The following PDE3A variants were observed in gnomAD, a reference collection of about 807,000 sequenced individuals.
PDE3A encodes cGMP-inhibited 3',5'-cyclic phosphodiesterase 3A.
Under a neutral mutation model 98.3 loss-of-function variants are expected in PDE3A, and 43 were observed. The ratio of observed to expected loss-of-function variants is 0.44; its 90% confidence interval spans 0.34 to 0.56. PDE3A has a LOEUF of 0.56. Among genes scored for constraint, PDE3A ranks in the 20% least tolerant of loss-of-function variants. The pLI, the probability that PDE3A is intolerant of heterozygous loss-of-function variation, is 0.01. For synonymous variants in PDE3A, 663 were observed against 567.9 expected, an observed-to-expected ratio of 1.17 and a Z score of -2.38; for missense variants, 1,427 against 1,440.7, an observed-to-expected ratio of 0.99 and a Z score of 0.15.
chr12:20,605,213 G>A (rs1489838952), intron 2 of PDE3A, among the ~76,000 whole-genome samples: 1 of 152,140 alleles, frequency 6.6e-6, no homozygotes, highest in Non-Finnish European at 1.5e-5. Context: ...TGGGAAGAAA[G>A]GAAACTGACA....
intron 1 of PDE3A, among the ~76,000 whole-genome samples, chr12:20,399,883 G>C (rs898048775): frequency 6.6e-6 from 1 of 152,172 alleles, no homozygotes; most frequent in African/African-American, 2.4e-5. Flanking sequence ...ATTGCTTTAA[G>C]CAATCATTTG....
intron 1 of PDE3A, among the ~76,000 whole-genome samples, chr12:20,469,352 A>G (rs1321113232): frequency 6.6e-6 from 1 of 152,052 alleles, no homozygotes; most frequent in Non-Finnish European, 1.5e-5. Context: ...ATTATGTTGT[A>G]ATATCCTGCC....
intron 1 of PDE3A, among the ~76,000 whole-genome samples, chr12:20,497,991 G>T (rs142870389): frequency 1.3e-5 from 2 of 152,184 alleles, no homozygotes; most frequent in African/African-American, 2.4e-5. Context: ...TACCAATTGC[G>T]TATGAGCTAA....
chr12:20,520,705 G>A (rs772813761), intron 1 of PDE3A, among the ~76,000 whole-genome samples: 8 of 152,120 alleles, frequency 5.3e-5, no homozygotes, highest in African/African-American at 7.2e-5. Flanking sequence ...TCCCTCTGCC[G>A]CTTCTTGGCT....
Position 20,648,922 on chromosome 12 carries a change from T to C in PDE3A, c.2769+31T>C, listed in dbSNP as rs778746522. 5 of 1,200,642 alleles carry C rather than the reference T, an allele frequency of 4.2e-6. No homozygotes were observed. In the Admixed American group the frequency reaches 7.5e-5, roughly 18 times the overall value. 74.4% of individuals were successfully genotyped at this position (1,200,642 alleles called of 1,614,324 possible). The stretch of plus-strand genomic sequence containing the variant: ...TAGAGCTGTACCCAGTTTTCTTTTC[T>C]TTTTCTTTTTTTTTTTTTTTTGAGA... On this transcript the variant is annotated intron_variant, in intron 13 of 15. Transcript: ENST00000359062.
chr12:20,520,212 GATA>G (rs1429452558), intron 1 of PDE3A, among the ~76,000 whole-genome samples: 3 of 152,262 alleles, frequency 2.0e-5, no homozygotes, highest in African/African-American at 7.2e-5. Context: ...GGAGGCATGT[GATA>G]ATAAAAAACC....
intron 1 of PDE3A, among the ~76,000 whole-genome samples, chr12:20,494,620 A>G (rs1256573465): frequency 1.3e-5 from 2 of 152,072 alleles, no homozygotes; most frequent in African/African-American, 2.4e-5. Flanking sequence ...ATAAATTATG[A>G]CTTTCCTTTC....
rs1265923346 is a variant in PDE3A, at chr12:20,448,751, G to GTTTTTT, written c.960+78507_960+78508insTTTTTT. Among the ~76,000 whole-genome samples the GTTTTTT allele has an allele frequency of 1.3e-3, 178 of 134,350 alleles. 4 individuals carry two copies. The highest frequency in any genetic ancestry group is 2.6e-3 in the East Asian group (10 of 3,786). 88.1% of individuals were successfully genotyped at this position (134,350 alleles called of 152,430 possible). A position where few individuals can be genotyped will look rare whatever the true frequency, so the allele number is the denominator to read the frequency against. On this transcript the variant is annotated intron_variant, in intron 1 of 15. Coordinates refer to ENST00000359062, the MANE Select transcript of PDE3A (RefSeq NM_000921.5). ...ACATTATTTAAAGTTTTTATTTTAA[G>GTTTTTT]GTTTTTTTTTTTTTTTGAGATGGAG...
intron 1 of PDE3A, chr12:20,371,520 T>G (rs1240231745): frequency 6.4e-6 from 6 of 931,570 alleles, no homozygotes; most frequent in Non-Finnish European, 7.7e-6. Context: ...ATCATTTGGG[T>G]ATTTCTAAGA....
At chr12:20,416,250 G>A (rs903294169) in intron 1 of PDE3A, among the ~76,000 whole-genome samples, 9 of 152,164 alleles carry the variant, frequency 5.9e-5, no homozygotes, top group African/African-American at 1.9e-4. Flanking sequence ...CTCACTCGAG[G>A]TTATCAACAC....
intron 1 of PDE3A, among the ~76,000 whole-genome samples, chr12:20,421,148 T>C (rs1944505599): frequency 6.6e-6 from 1 of 152,170 alleles, no homozygotes; most frequent in Non-Finnish European, 1.5e-5. Context: ...AGTCTGGAAA[T>C]TGTTAGTGTC....
intron 15 of PDE3A, among the ~76,000 whole-genome samples, chr12:20,655,084 A>C (rs1198578734): frequency 6.6e-6 from 1 of 152,164 alleles, no homozygotes; most frequent in Non-Finnish European, 1.5e-5. Context: ...GTAGACAATA[A>C]GCAAAACAAG....
Position 20,668,270 on chromosome 12 carries a change from G to A in PDE3A, c.3185-11760G>A, listed in dbSNP as rs570987010. Among the ~76,000 whole-genome samples the A allele has an allele frequency of 3.6e-3, 546 of 152,368 alleles. 2 individuals carry two copies. Among genetic ancestry groups the A allele is most frequent in the Middle Eastern group, 6.8e-3 (2 of 294 alleles). On this transcript the variant is annotated intron_variant, in intron 15 of 15. Transcript: ENST00000359062. ...ACTGCAAGGCGGCAGTGAGGCTGGG[G>A]GAGGGGCGCCCGCCATTGCCCAGGC...
intron 1 of PDE3A, among the ~76,000 whole-genome samples, chr12:20,481,335 G>T (rs1166266583): frequency 1.3e-5 from 2 of 152,112 alleles, no homozygotes; most frequent in African/African-American, 4.8e-5. Flanking sequence ...AGAAAGATTG[G>T]TGAATGAATG....
chr12:20,638,525 C>A (rs1944571989), intron 9 of PDE3A, among the ~76,000 whole-genome samples: 1 of 152,124 alleles, frequency 6.6e-6, no homozygotes, highest in African/African-American at 2.4e-5. Flanking sequence ...ATGTCTCTTA[C>A]ACTAGCTGAT....
chr12:20,687,596 T>G lies in PDE3A; in HGVS notation c.*7325T>G, dbSNP rs368743117. 6.6e-6 allele frequency among the ~76,000 whole-genome samples: 1 copy of G among 152,046 alleles called. No homozygotes were observed. Among genetic ancestry groups the G allele is most frequent in the African/African-American group, 2.4e-5 (1 of 41,434 alleles). ...GTTCCAACAAGAACAATCTGTTAGT[T>G]GATAAGCACTGGTAATAAATATCAC... On this transcript the variant is annotated 3_prime_UTR_variant, in exon 16 of 16. Transcript: ENST00000359062.
intron 1 of PDE3A, among the ~76,000 whole-genome samples, chr12:20,420,602 A>T (rs1944496674): frequency 6.6e-6 from 1 of 152,174 alleles, no homozygotes; most frequent in African/African-American, 2.4e-5. Flanking sequence ...TGCAAGGGAC[A>T]GGGAGGCTCC....
chr12:20,601,673 G>A (rs894011761), intron 2 of PDE3A, among the ~76,000 whole-genome samples: 2 of 151,942 alleles, frequency 1.3e-5, no homozygotes, highest in African/African-American at 4.8e-5. Context: ...TTATGTAATT[G>A]TAATTTCACT....
intron 2 of PDE3A, among the ~76,000 whole-genome samples, chr12:20,593,370 T>C (rs139458874): frequency 6.6e-6 from 1 of 152,128 alleles, no homozygotes; most frequent in Admixed American, 6.5e-5. Context: ...AACCAAGAAG[T>C]TGAATGTTGT....
Sources: allele counts gnomAD v4.1 joint callset (sites outside exome capture counted in the v4.1 genomes callset), GRCh38; gene constraint gnomAD v4.1.1; transcripts MANE v1.5; gene names NCBI Gene and HGNC (gene_info 2026-07-23, HGNC 2026-07-21).